Variants in ZNF347 observed in about 807,000 individuals in gnomAD.
ZNF347 encodes the protein zinc finger protein 347.
ZNF347 carries 19 observed loss-of-function variants against 12.9 expected under a neutral mutation model. That is an observed-to-expected ratio of 1.47 (90% CI 1.03 to 2.16). The LOEUF is 2.16. Ranked by LOEUF, ZNF347 falls within the 30% of genes most tolerant of loss-of-function variation. The pLI is 0.00. For missense variants in ZNF347, 1,005 were observed against 990.6 expected, an observed-to-expected ratio of 1.01 and a Z score of -0.19; for synonymous variants, 328 against 340.6, an observed-to-expected ratio of 0.96 and a Z score of 0.41.
rs764489353 is a variant in ZNF347, at chr19:53,141,120, T to C, written c.1708A>G (p.Lys570Glu). The C allele has an allele frequency of 2.5e-6, 4 of 1,614,168 alleles. No individual in the cohort carries two copies. The change falls in exon 5 of 5, where the codon AAA becomes GAA. Residue 570 changes from lysine (K) to glutamate (E), a missense_variant. Coordinates refer to ENST00000334197, the MANE Select transcript of ZNF347 (RefSeq NM_032584.3). ...AAGACCTTGCCACACTCATTACATT[T>C]GTAAGGTTTTTCTCCAGTATGGATG... Reference protein sequence around the residue: ...QVIHTGEKPYKCNECGKVFTQ... With the variant: ...QVIHTGEKPYECNECGKVFTQ...
chr19:53,153,699 GAGAC>G lies in ZNF347; in HGVS notation c.15+30_15+33del, dbSNP rs1321597517. On this transcript the variant is annotated intron_variant, in intron 2 of 4. Transcript: ENST00000334197. Reference sequence around the variant, plus strand: ...AGAATGACATTTCAAGAAGAAATAAGAGACAGAACAATCCACTGATAATATTACC... The same window carrying G: ...AGAATGACATTTCAAGAAGAAATAAGAGAACAATCCACTGATAATATTACC... The G allele has an allele frequency of 3.1e-6, 5 of 1,609,606 alleles. No homozygotes were observed. The South Asian group carries it at 5.5e-5, about 18-fold the overall frequency.
intron 4 of ZNF347, among the ~76,000 whole-genome samples, chr19:53,148,362 A>G (rs2090475872): frequency 6.6e-6 from 1 of 152,190 alleles, no homozygotes; most frequent in South Asian, 2.1e-4. Flanking sequence ...AGAAGGAAAC[A>G]CCAAAGGAGA....
intron 4 of ZNF347, among the ~76,000 whole-genome samples, chr19:53,144,782 T>C (rs2090452047): frequency 6.6e-6 from 1 of 152,124 alleles, no homozygotes; most frequent in Non-Finnish European, 1.5e-5. Context: ...ATTACAGGTA[T>C]GTTCCATGCC....
In ZNF347 at chr19:53,142,601, G is replaced by C. The variant is rs557603962; in HGVS notation, c.272-45C>G. ...ATAGGTTTCCAATTAATTGTAGTAC[G>C]TAAACAAGTATTTTACACCGAAAAA... On this transcript the variant is annotated intron_variant, in intron 4 of 4. Transcript: ENST00000334197. The C allele has an allele frequency of 3.6e-6, 5 of 1,396,476 alleles. No individual in the cohort carries two copies. The East Asian group carries it at 1.2e-4, about 35-fold the overall frequency. The allele number at this position is 1,396,476 out of a possible 1,614,324, so 86.5% of individuals were successfully genotyped here.
intron 4 of ZNF347, among the ~76,000 whole-genome samples, chr19:53,143,357 C>A (rs1271156854): frequency 6.8e-6 from 1 of 146,396 alleles, no homozygotes; most frequent in Non-Finnish European, 1.5e-5. Flanking sequence ...AGGTATATCT[C>A]CTAATGCTAT....
rs1297156133 is a variant in ZNF347, at chr19:53,159,040, C to T, written c.-78G>A. 1 of 152,250 alleles carries T rather than the reference C, an allele frequency of 6.6e-6. No homozygotes were observed. Among genetic ancestry groups the T allele is most frequent in the Non-Finnish European group, 1.5e-5 (1 of 68,102 alleles). 9.4% of individuals were successfully genotyped at this position (152,250 alleles called of 1,614,324 possible). A position where few individuals can be genotyped will look rare whatever the true frequency, so the allele number is the denominator to read the frequency against. On this transcript the variant is annotated 5_prime_UTR_variant, in exon 1 of 5. Transcript: ENST00000334197. The stretch of plus-strand genomic sequence containing the variant: ...CGGCGTCACCCGCACCCAACACGAT[C>T]CGCTTCCGGAACTGCAGAAAACTGC...
chr19:53,156,366 G>A (rs1599862359), intron 1 of ZNF347, among the ~76,000 whole-genome samples: 1 of 151,638 alleles, frequency 6.6e-6, no homozygotes, highest in East Asian at 1.9e-4. Flanking sequence ...TTGCGCCACT[G>A]CACTCCAGCC....
chr19:53,156,058 G>T lies in ZNF347; in HGVS notation c.-46-2265C>A, dbSNP rs901031007. On this transcript the variant is annotated intron_variant, in intron 1 of 4. Coordinates refer to ENST00000334197, the MANE Select transcript of ZNF347 (RefSeq NM_032584.3). ...GGACTCCCAGCTCGGGGGGGGGGGG[G>T]GGTTAGGCGGGGGTCCTACAATTTC... Among the ~76,000 whole-genome samples the T allele has an allele frequency of 5.9e-3, 761 of 128,020 alleles. 48 individuals carry two copies. The highest frequency in any genetic ancestry group is 0.02 in the African/African-American group (683 of 34,828). The allele number at this position is 128,020 out of a possible 152,430, so 84.0% of individuals were successfully genotyped here.
rs1240856274 is a variant in ZNF347, at chr19:53,135,331, TATATATATAGAGAG to T, written c.*4963_*4976del. The stretch of plus-strand genomic sequence containing the variant: ...ATATATATATATATATATATATATA[TATATATATAGAGAG>T]AGAGAGAGAGAGAGAGAGAGAGAAA... On this transcript the variant is annotated 3_prime_UTR_variant, in exon 5 of 5. Coordinates refer to ENST00000334197, the MANE Select transcript of ZNF347 (RefSeq NM_032584.3). 2.8e-4 allele frequency: 16 copies of T among 57,754 alleles called. No homozygotes were observed. Among genetic ancestry groups the T allele is most frequent in the South Asian group, 5.6e-4 (1 of 1,772 alleles). The allele number at this position is 57,754 out of a possible 1,614,324, so 3.6% of individuals were successfully genotyped here.
chr19:53,154,500 C>T (rs975624564), intron 1 of ZNF347, among the ~76,000 whole-genome samples: 2 of 151,750 alleles, frequency 1.3e-5, no homozygotes, highest in Non-Finnish European at 2.9e-5. Flanking sequence ...TGAGTGCGGA[C>T]AGAGAAAAAA....
chr19:53,140,278 T>C lies in ZNF347; in HGVS notation c.*30A>G. The C allele has an allele frequency of 6.6e-7, 1 of 1,515,626 alleles. No homozygotes were observed. The highest frequency in any genetic ancestry group is 8.8e-7 in the Non-Finnish European group (1 of 1,132,360). 93.9% of individuals were successfully genotyped at this position (1,515,626 alleles called of 1,614,324 possible). A position where few individuals can be genotyped will look rare whatever the true frequency, so the allele number is the denominator to read the frequency against. On this transcript the variant is annotated 3_prime_UTR_variant, in exon 5 of 5. Coordinates refer to ENST00000334197, the MANE Select transcript of ZNF347 (RefSeq NM_032584.3). ...AGGAATGAATTCTAACTGCAAAAGT[T>C]ACCACCTTCATTTGTAAGGTTTCTC... is the stretch of plus-strand genomic sequence containing the variant.
At chr19:53,153,900 C>T (rs2090514992) in intron 1 of ZNF347, 107 bp from the exon 2 acceptor site, 1 of 790,358 alleles carries the variant, frequency 1.3e-6, no homozygotes, top group Non-Finnish European at 2.1e-6. Context: ...ATCACACACA[C>T]ACACAGGGAA....
rs1186976471 is a variant in ZNF347 at position 53,136,493 on chromosome 19, G to T, written c.*3815C>A. 6.6e-6 allele frequency: 1 copy of T among 151,846 alleles called. No homozygotes were observed. The highest frequency in any genetic ancestry group is 2.4e-5 in the African/African-American group (1 of 41,332). The allele number at this position is 151,846 out of a possible 1,614,324, so 9.4% of individuals were successfully genotyped here. On this transcript the variant is annotated 3_prime_UTR_variant, in exon 5 of 5. Coordinates refer to ENST00000334197, the MANE Select transcript of ZNF347 (RefSeq NM_032584.3). ...CATGGCTGTAATCCTAGCACTTTGG[G>T]AAGCTGAGGCAGGAGGAATGCTTGA... is the stretch of plus-strand genomic sequence containing the variant.
At chr19:53,155,336 T>TGTGTGTGTG (rs1221175675) in intron 1 of ZNF347, among the ~76,000 whole-genome samples, 64 of 111,846 alleles carry the variant, frequency 5.7e-4, no homozygotes, top group African/African-American at 2.1e-3. Flanking sequence ...GTGTGTGTGT[T>TGTGTGTGTG]TGTTTTTTGT....
Position 53,140,663 on chromosome 19 carries a change from G to A in ZNF347, c.2165C>T (p.Ser722Leu), listed in dbSNP as rs778533690. The A allele has an allele frequency of 1.9e-6, 3 of 1,613,758 alleles. No homozygotes were observed. Among genetic ancestry groups the A allele is most frequent in the Non-Finnish European group, 2.5e-6 (3 of 1,179,982 alleles). ...NQCGKAFSVR[S>L]SLTTHQAIHT... ...GATTGCCTGATGGGTAGTTAGGCTT[G>A]AACGGACACTAAAGGCTTTCCCACA... The change falls in exon 5 of 5, where the codon TCA (serine) becomes TTA (leucine). Residue 722 changes from serine to leucine, a missense_variant. Transcript: ENST00000334197.
Position 53,142,316 on chromosome 19 carries a change from T to A in ZNF347, c.512A>T (p.Asp171Val), listed in dbSNP as rs767282712. 6.2e-7 allele frequency: 1 copy of A among 1,614,144 alleles called. No homozygotes were observed. Among genetic ancestry groups the A allele is most frequent in the Non-Finnish European group, 8.5e-7 (1 of 1,179,996 alleles). The change falls in exon 5 of 5, where the codon GAT becomes GTT. Residue 171 changes from aspartate to valine, a missense_variant. Transcript: ENST00000334197. ...GNLTHGRDEH[D>V]KRDARNKLIK... ...AAGCTTGTTTCTTGCATCTCTTTTA[T>A]CATGTTCATCTCTTCCATGAGTGAG... is the stretch of plus-strand genomic sequence containing the variant.
chr19:53,157,734 CGGCT>C (rs1264490301), intron 1 of ZNF347, among the ~76,000 whole-genome samples: 1 of 152,134 alleles, frequency 6.6e-6, no homozygotes, highest in Non-Finnish European at 1.5e-5. Context: ...TCCTCGTCAC[CGGCT>C]GTCCCCTCTT....
intron 4 of ZNF347, among the ~76,000 whole-genome samples, chr19:53,146,792 A>G (rs890590997): frequency 6.6e-5 from 10 of 152,132 alleles, no homozygotes; most frequent in African/African-American, 2.4e-4. Context: ...ATTTCTGGAC[A>G]CATACAACCT....
intron 2 of ZNF347, among the ~76,000 whole-genome samples, chr19:53,151,329 A>T (rs765403324): frequency 4.7e-4 from 71 of 151,942 alleles, no homozygotes; most frequent in Non-Finnish European, 4.7e-4. Context: ...AGGTCAGGAG[A>T]TCAAGACCAT....
Sources: gnomAD v4.1 joint callset for allele counts (sites outside exome capture counted in the v4.1 genomes callset) on GRCh38, gnomAD v4.1.1 for gene constraint, MANE v1.5 for transcripts, NCBI Gene and HGNC (gene_info 2026-07-23, HGNC 2026-07-21) for gene names.